The following ZNF565 variants were observed in gnomAD, a reference collection of about 807,000 sequenced individuals.
The protein encoded by ZNF565 is zinc finger protein 565.
In ZNF565, 27 loss-of-function variants were observed where a neutral mutation model predicts 39.4. The ratio of observed to expected loss-of-function variants is 0.69; its 90% CI spans 0.51 to 0.95. ZNF565 has a LOEUF of 0.95. Among genes scored for constraint, ZNF565 ranks in the 40% least tolerant of loss-of-function variants. The probability of loss-of-function intolerance (pLI) is 0.00; values close to 1 mark genes in which losing one functional copy is unlikely to be tolerated. For synonymous variants in ZNF565, 185 were observed against 216.6 expected, an observed-to-expected ratio of 0.85 and a Z score of 1.28; for missense variants, 524 against 621.1, an observed-to-expected ratio of 0.84 and a Z score of 1.66.
At position 36,183,270 on chromosome 19, in the gene ZNF565, A is replaced by G. The variant is rs1167307597; in HGVS notation, c.696T>C (p.Phe232=). Residue 232 remains phenylalanine, a synonymous_variant, in exon 5 of 5, where the codon TTT becomes TTC. Coordinates refer to ENST00000304116, the MANE Select transcript of ZNF565 (RefSeq NM_152477.5). ...PYDCKDCGKA[F]GRTSELILHQ... Reference sequence around the variant, plus strand: ...GTAGAATAAGTTCTGATGTACGACCAAAGGCCTTCCCACAGTCCTTACAGT... The same window carrying G: ...GTAGAATAAGTTCTGATGTACGACCGAAGGCCTTCCCACAGTCCTTACAGT... The G allele has an allele frequency of 6.2e-7, 1 of 1,613,932 alleles. No homozygotes were observed. The highest frequency in any genetic ancestry group is 1.7e-5 in the Admixed American group (1 of 59,986).
chr19:36,190,605 G>T (rs960140728), intron 4 of ZNF565, among the ~76,000 whole-genome samples: 21 of 150,632 alleles, frequency 1.4e-4, no homozygotes, highest in Admixed American at 1.1e-3. Flanking sequence ...AAAAAAAAAG[G>T]CTAATCAGTT....
At chr19:36,222,011 C>T (rs1050795102) in intron 1 of ZNF565, among the ~76,000 whole-genome samples, 4 of 148,228 alleles carry the variant, frequency 2.7e-5, no homozygotes, top group Admixed American at 2.1e-4. Flanking sequence ...CATACTGCAG[C>T]CTCCAACTGC....
At position 36,192,098 on chromosome 19, in the gene ZNF565, C is replaced by T. The variant is rs577366708; in HGVS notation, c.232+2135G>A. Among the ~76,000 whole-genome samples, 48 of 151,334 alleles carry T rather than the reference C, an allele frequency of 3.2e-4. No individual in the cohort carries two copies. The South Asian group carries it at 6.9e-3, about 22-fold the overall frequency. ...CCGCCTCCCGGGTTCAAGCGATTCTCCTGTCTCAGCCTCCTGAGTAGCTGG... is the reference window on the plus strand; with the variant it reads ...CCGCCTCCCGGGTTCAAGCGATTCTTCTGTCTCAGCCTCCTGAGTAGCTGG... On this transcript the variant is annotated intron_variant, in intron 4 of 4. Transcript: ENST00000304116.
At chr19:36,240,348 G>A (rs1362003734) in intron 1 of ZNF565, among the ~76,000 whole-genome samples, 2 of 152,154 alleles carry the variant, frequency 1.3e-5, no homozygotes, top group Admixed American at 1.3e-4. Flanking sequence ...TTGAGCCCAG[G>A]AGTTTGAGGC....
intron 1 of ZNF565, among the ~76,000 whole-genome samples, chr19:36,206,197 G>A (rs892121357): frequency 2.0e-5 from 3 of 152,180 alleles, no homozygotes; most frequent in African/African-American, 7.2e-5. Flanking sequence ...CCTGCCTCAA[G>A]TGATATCCCC....
rs753663274 is a variant in ZNF565 at position 36,203,721 on chromosome 19, G to A, written c.-65-1671C>T. Among the ~76,000 whole-genome samples, 14 of 152,070 alleles carry A rather than the reference G, an allele frequency of 9.2e-5. No individual in the cohort carries two copies. The East Asian group carries it at 9.7e-4, about 11-fold the overall frequency. ...CTCACAAGTAGCTAGGAGTACAGGC[G>A]CACACCACTACGCCTGGCTGATTTT... On this transcript the variant is annotated intron_variant, in intron 1 of 4. Transcript: ENST00000304116.
At chr19:36,230,291 AT>A (rs1439061635) in intron 1 of ZNF565, among the ~76,000 whole-genome samples, 1 of 152,204 alleles carries the variant, frequency 6.6e-6, no homozygotes, top group Non-Finnish European at 1.5e-5. Flanking sequence ...ATTGCATGAT[AT>A]GTATTAGGTA....
chr19:36,238,684 A>G (rs1977736231), intron 1 of ZNF565: 1 of 167,116 alleles, frequency 6.0e-6, no homozygotes, highest in Non-Finnish European at 1.5e-5. Flanking sequence ...TATTTCTAAA[A>G]TTTTATCACG....
intron 1 of ZNF565, among the ~76,000 whole-genome samples, chr19:36,214,074 A>G (rs528279366): frequency 6.6e-6 from 1 of 152,108 alleles, no homozygotes; most frequent in African/African-American, 2.4e-5. Flanking sequence ...CACTGTGGAC[A>G]TACACACAGT....
At chr19:36,223,595 C>T (rs1222943711) in intron 1 of ZNF565, among the ~76,000 whole-genome samples, 1 of 152,012 alleles carries the variant, frequency 6.6e-6, no homozygotes, top group African/African-American at 2.4e-5. Context: ...GATCTCCTGA[C>T]CTCGTGATCC....
At chr19:36,236,650 G>C in intron 1 of ZNF565, 4 of 1,614,136 alleles carry the variant, frequency 2.5e-6, no homozygotes, top group Non-Finnish European at 3.4e-6. Context: ...CTGGCGAGAA[G>C]CTTTTCGAAT....
chr19:36,241,353 G>A (rs1483217424), intron 1 of ZNF565, among the ~76,000 whole-genome samples: 6 of 151,646 alleles, frequency 4.0e-5, no homozygotes, highest in Non-Finnish European at 5.9e-5. Flanking sequence ...ATGTGGTAGC[G>A]GGGGCCAGTA....
chr19:36,212,525 C>T (rs1281666032), intron 1 of ZNF565, among the ~76,000 whole-genome samples: 1 of 151,600 alleles, frequency 6.6e-6, no homozygotes, highest in Non-Finnish European at 1.5e-5. Flanking sequence ...AGGAGGCTGA[C>T]GCAGGAGAAT....
chr19:36,220,027 C>G (rs574357104), intron 1 of ZNF565, among the ~76,000 whole-genome samples: 17 of 152,214 alleles, frequency 1.1e-4, no homozygotes, highest in African/African-American at 3.4e-4. Flanking sequence ...AGTGGATACC[C>G]CTTCAGGTCA....
chr19:36,183,386 G>A lies in ZNF565; in HGVS notation c.580C>T (p.Pro194Ser). ...QHQKIHTGEK[P>S]FGCKECGKAF... ...TTCCCACATTCCTTACATCCAAAGGGTTTTTCACCAGTGTGAATTTTCTGA... is the reference window on the plus strand; with the variant it reads ...TTCCCACATTCCTTACATCCAAAGGATTTTTCACCAGTGTGAATTTTCTGA... The change falls in exon 5 of 5, where the codon CCC (proline) becomes TCC (serine). Residue 194 changes from proline to serine, a missense_variant. By Grantham distance (74) the Pro-to-Ser change is moderately conservative. Transcript: ENST00000304116. The A allele has an allele frequency of 1.2e-6, 2 of 1,608,484 alleles. No individual in the cohort carries two copies. Among genetic ancestry groups the A allele is most frequent in the Non-Finnish European group, 1.7e-6 (2 of 1,175,010 alleles).
intron 1 of ZNF565, among the ~76,000 whole-genome samples, chr19:36,240,050 T>C (rs1259345052): frequency 2.0e-5 from 3 of 152,220 alleles, no homozygotes; most frequent in Non-Finnish European, 4.4e-5. Context: ...ACCCCATCTT[T>C]TTCTCTGTTT....
chr19:36,183,468 C>A lies in ZNF565; in HGVS notation c.498G>T (p.Leu166=). The stretch of plus-strand genomic sequence containing the variant: ...CTTTCCCACATTCATGACATTCCAT[C>A]AGTTTCTCACCAGTCTCCCTGCTCT... The part of the protein sequence containing the change: ...VRQSRETGEK[L]MECHECGKAF... The change falls in exon 5 of 5, where the codon CTG becomes CTT. Residue 166 remains leucine, a synonymous_variant. Transcript: ENST00000304116. 1 of 1,614,228 alleles carries A rather than the reference C, an allele frequency of 6.2e-7. No homozygotes were observed. The highest frequency in any genetic ancestry group is 1.3e-5 in the African/African-American group (1 of 75,070).
intron 1 of ZNF565, among the ~76,000 whole-genome samples, chr19:36,211,711 T>C (rs1321668202): frequency 6.6e-6 from 1 of 151,332 alleles, no homozygotes; most frequent in East Asian, 1.9e-4. Context: ...GAGAATCGCA[T>C]GAACCAGGGA....
intron 1 of ZNF565, among the ~76,000 whole-genome samples, chr19:36,242,153 T>C (rs1406979597): frequency 6.6e-6 from 1 of 152,234 alleles, no homozygotes; most frequent in African/African-American, 2.4e-5. Context: ...GGCTCACGCC[T>C]GTAATCCCAG....
Sources: allele counts gnomAD v4.1 joint callset (sites outside exome capture counted in the v4.1 genomes callset), GRCh38; gene constraint gnomAD v4.1.1; transcripts MANE v1.5; gene names NCBI Gene and HGNC (gene_info 2026-07-23, HGNC 2026-07-21).